PCBP3: variants seen among roughly 807,000 people sequenced by gnomAD.
PCBP3 encodes poly(rC) binding protein 3.
A neutral mutation model predicts 52.7 loss-of-function variants in PCBP3; 25 were observed. The observed-to-expected ratio is 0.47, with a 90% CI of 0.35 to 0.66. PCBP3 has a LOEUF of 0.66. Ranked by LOEUF, PCBP3 falls within the 30% of genes least tolerant of loss-of-function variation. PCBP3 has a pLI of 0.01. For synonymous variants in PCBP3, 162 were observed against 183.0 expected (o/e 0.89, Z 0.93); for missense variants, 391 against 490.3 (o/e 0.80, Z 1.91).
chr21:45,799,169 A>G (rs1692782476), intron 4 of PCBP3, among the ~76,000 whole-genome samples: 1 of 152,236 alleles, frequency 6.6e-6, no homozygotes, highest in African/African-American at 2.4e-5. Flanking sequence ...CGAATTCATG[A>G]CACACAGATG....
At chr21:45,711,844 G>T (rs994988155) in intron 2 of PCBP3, among the ~76,000 whole-genome samples, 1 of 152,166 alleles carries the variant, frequency 6.6e-6, no homozygotes, top group African/African-American at 2.4e-5. Flanking sequence ...TATGGTTTTT[G>T]AGAACTGCTT....
rs2079563408 is a variant in PCBP3, at chr21:45,649,865, TA to T, written c.-279+6004del. 2.0e-5 allele frequency among the ~76,000 whole-genome samples: 3 copies of T among 152,210 alleles called. No individual in the cohort carries two copies. In the South Asian group the frequency reaches 6.2e-4, roughly 32 times the overall value. ...TACTAGTAGTTTAATAAAAGCTTTT[TA>T]AAAAAATCATGAATAGATTTTGAAT... On this transcript the variant is annotated intron_variant, in intron 1 of 17. Coordinates refer to ENST00000681687, the MANE Select transcript of PCBP3 (RefSeq NM_001384156.1).
intron 1 of PCBP3, among the ~76,000 whole-genome samples, chr21:45,667,075 G>GTTCTTTCTTTCT (rs138226209): frequency 2.0e-4 from 30 of 147,668 alleles, no homozygotes; most frequent in African/African-American, 5.6e-4. Context: ...GCATCTGTTT[G>GTTCTTTCTTTCT]TTCTTTCTTT....
intron 4 of PCBP3, among the ~76,000 whole-genome samples, chr21:45,764,686 T>C (rs2089120940): frequency 6.6e-6 from 1 of 152,078 alleles, no homozygotes; most frequent in Non-Finnish European, 1.5e-5. Context: ...GTACATGGAG[T>C]CAGCCAGCTC....
At chr21:45,677,163 C>A (rs915682206) in intron 2 of PCBP3, among the ~76,000 whole-genome samples, 1 of 152,194 alleles carries the variant, frequency 6.6e-6, no homozygotes, top group Non-Finnish European at 1.5e-5. Flanking sequence ...TTATGCCAAA[C>A]AACCAGGTTA....
At chr21:45,687,941 C>A (rs1455011327) in intron 2 of PCBP3, among the ~76,000 whole-genome samples, 1 of 152,038 alleles carries the variant, frequency 6.6e-6, no homozygotes. Flanking sequence ...CAGTGTTAGC[C>A]AGGATGGTCT....
chr21:45,662,646 T>C (rs1490810382), intron 1 of PCBP3, among the ~76,000 whole-genome samples: 1 of 152,062 alleles, frequency 6.6e-6, no homozygotes, highest in African/African-American at 2.4e-5. Context: ...TAATTACTCT[T>C]TATTCAAATA....
intron 13 of PCBP3, among the ~76,000 whole-genome samples, chr21:45,929,254 G>A (rs969269705): frequency 2.7e-4 from 41 of 152,190 alleles, no homozygotes; most frequent in African/African-American, 3.4e-4. Flanking sequence ...CTGAGGGCCC[G>A]AGGCGTCCCT....
At chr21:45,847,591 G>A (rs947487191) in intron 4 of PCBP3, among the ~76,000 whole-genome samples, 1 of 152,158 alleles carries the variant, frequency 6.6e-6, no homozygotes, top group African/African-American at 2.4e-5. Context: ...CAGTTTGGCT[G>A]ACATAAAATC....
At chr21:45,918,101 C>CGAG in intron 13 of PCBP3, 3 of 206,698 alleles carry the variant, frequency 1.5e-5, no homozygotes, top group Non-Finnish European at 2.9e-5. Context: ...ACATAGGGTC[C>CGAG]ATCTACACAC....
chr21:45,822,173 A>C (rs774215119), intron 4 of PCBP3, among the ~76,000 whole-genome samples: 9 of 152,108 alleles, frequency 5.9e-5, no homozygotes, highest in Admixed American at 6.5e-5. Context: ...ACCCTTTTGA[A>C]GGTCAGGAGA....
chr21:45,707,529 T>C (rs1169605232), intron 2 of PCBP3, among the ~76,000 whole-genome samples: 4 of 151,938 alleles, frequency 2.6e-5, no homozygotes, highest in African/African-American at 9.7e-5. Flanking sequence ...AATAAATAAA[T>C]AATAAATAAT....
In PCBP3 at chr21:45,917,420, CT is replaced by C; in HGVS notation, c.676-167del. Reference sequence around the variant, plus strand: ...AGTGGGTGCGGCTCCCCTGGGGCTCCTGGTGCCCTGGGAGGGTTGGCCCTTT... The same window carrying C: ...AGTGGGTGCGGCTCCCCTGGGGCTCCGGTGCCCTGGGAGGGTTGGCCCTTT... On this transcript the variant is annotated intron_variant, in intron 12 of 17. Coordinates refer to ENST00000681687, the MANE Select transcript of PCBP3 (RefSeq NM_001384156.1). The surrounding 1 kb of genome is among the most constrained non-coding windows in gnomAD (Gnocchi z 5.3). 1.7e-6 allele frequency: 1 copy of C among 606,024 alleles called. No individual in the cohort carries two copies. The highest frequency in any genetic ancestry group is 2.9e-6 in the Non-Finnish European group (1 of 341,098). The allele number at this position is 606,024 out of a possible 1,614,324, so 37.5% of individuals were successfully genotyped here. A position where few individuals can be genotyped will look rare whatever the true frequency, so the allele number is the denominator to read the frequency against.
intron 2 of PCBP3, among the ~76,000 whole-genome samples, chr21:45,732,557 G>GTTAT (rs1023848343): frequency 7.4e-4 from 111 of 149,544 alleles, no homozygotes; most frequent in South Asian, 8.4e-4. Flanking sequence ...TTAGTTTAAT[G>GTTAT]TTATTTATTT....
intron 6 of PCBP3, among the ~76,000 whole-genome samples, chr21:45,899,294 C>T (rs1223033946): frequency 6.6e-6 from 1 of 152,158 alleles, no homozygotes; most frequent in Non-Finnish European, 1.5e-5. Context: ...GGGTGATGCC[C>T]CCTGAGTTAT....
intron 2 of PCBP3, among the ~76,000 whole-genome samples, chr21:45,672,129 T>C (rs142524991): frequency 1.3e-5 from 2 of 152,160 alleles, no homozygotes; most frequent in African/African-American, 4.8e-5. Context: ...GGGAGTGGAA[T>C]TGGTGACTTT....
At chr21:45,742,441 A>G (rs1202768162) in intron 3 of PCBP3, among the ~76,000 whole-genome samples, 1 of 152,204 alleles carries the variant, frequency 6.6e-6, no homozygotes, top group Non-Finnish European at 1.5e-5. Context: ...CCATGCTCAT[A>G]AGCATTCTTG....
In PCBP3 at chr21:45,699,592, T is replaced by G. The variant is rs138434598; in HGVS notation, c.-200+30640T>G. 5.9e-3 allele frequency among the ~76,000 whole-genome samples: 899 copies of G among 152,274 alleles called. 10 individuals are homozygous for G. Among genetic ancestry groups the G allele is most frequent in the Non-Finnish European group, 7.4e-3 (503 of 68,034 alleles). On this transcript the variant is annotated intron_variant, in intron 2 of 17. Coordinates refer to ENST00000681687, the MANE Select transcript of PCBP3 (RefSeq NM_001384156.1). ...CTGCTAATAAAAACATGCCTGAGAA[T>G]GGACAATTTACAAAAGGAAGAGGTT...
rs546257327 is a variant in PCBP3 at position 45,670,873 on chromosome 21, T to G, written c.-200+1921T>G. ...CTCATCAGTGATCAGGTTTCCTCTG[T>G]GTGGTGATTCGGCCCAGCTCCTCAC... On this transcript the variant is annotated intron_variant, in intron 2 of 17. Coordinates refer to ENST00000681687, the MANE Select transcript of PCBP3 (RefSeq NM_001384156.1). 6.6e-5 allele frequency among the ~76,000 whole-genome samples: 10 copies of G among 152,320 alleles called. No individual in the cohort carries two copies. The South Asian group carries it at 1.9e-3, about 28-fold the overall frequency.
Sources: gnomAD v4.1 joint callset for allele counts (sites outside exome capture counted in the v4.1 genomes callset) on GRCh38, gnomAD v4.1.1 for gene constraint, Gnocchi (gnomAD v3.1) non-coding constraint, MANE v1.5 for transcripts, NCBI Gene and HGNC (gene_info 2026-07-23, HGNC 2026-07-21) for gene names.